Variants in SLCO1B1 observed in about 807,000 individuals in gnomAD.
SLCO1B1 encodes the protein solute carrier organic anion transporter family member 1B1.
In SLCO1B1, 81 loss-of-function variants were observed where a neutral mutation model predicts 70.1. That is an observed-to-expected ratio of 1.16 (90% CI 0.97 to 1.39). The LOEUF is 1.39. Among genes scored for constraint, SLCO1B1 ranks in the 40% most tolerant of loss-of-function variants. The pLI is 0.00. For synonymous variants in SLCO1B1, 283 were observed against 271.5 expected (o/e 1.04, Z -0.42); for missense variants, 895 against 799.6 (o/e 1.12, Z -1.44).
chr12:21,136,516 G>T (rs1347382608), intron 1 of SLCO1B1, among the ~76,000 whole-genome samples: 7 of 152,112 alleles, frequency 4.6e-5, no homozygotes, highest in African/African-American at 1.4e-4. Flanking sequence ...ATTTCTTGGA[G>T]GCTTTGTTCG....
intron 2 of SLCO1B1, among the ~76,000 whole-genome samples, chr12:21,167,345 G>C (rs1434489488): frequency 1.3e-5 from 2 of 152,152 alleles, no homozygotes; most frequent in Non-Finnish European, 2.9e-5. Flanking sequence ...AGAGAGGAAT[G>C]GGGGAGGGGA....
chr12:21,201,206 C>A (rs977707437), intron 9 of SLCO1B1, among the ~76,000 whole-genome samples: 1 of 151,998 alleles, frequency 6.6e-6, no homozygotes, highest in Non-Finnish European at 1.5e-5. Flanking sequence ...TTGTATTATT[C>A]TTCCCACAAC....
chr12:21,188,079 G>A (rs1474957601), intron 7 of SLCO1B1, among the ~76,000 whole-genome samples: 1 of 152,152 alleles, frequency 6.6e-6, no homozygotes, highest in African/African-American at 2.4e-5. Flanking sequence ...TGAAACTAAA[G>A]CATGTGTTGG....
intron 2 of SLCO1B1, among the ~76,000 whole-genome samples, chr12:21,170,082 C>A (rs1940738793): frequency 6.6e-6 from 1 of 152,108 alleles, no homozygotes; most frequent in South Asian, 2.1e-4. Context: ...TGCTCCACCT[C>A]GTGTCTCTGT....
intron 2 of SLCO1B1, among the ~76,000 whole-genome samples, chr12:21,157,733 C>G (rs1940560653): frequency 6.6e-6 from 1 of 151,584 alleles, no homozygotes; most frequent in Non-Finnish European, 1.5e-5. Context: ...TCCCAAGTAG[C>G]TGGGACTACA....
At chr12:21,226,528 G>C (rs747095083) in intron 14 of SLCO1B1, among the ~76,000 whole-genome samples, 3 of 152,080 alleles carry the variant, frequency 2.0e-5, no homozygotes, top group Non-Finnish European at 4.4e-5. Flanking sequence ...AAACATCAGT[G>C]GTTGCTAGGA....
chr12:21,211,636 G>A (rs1465456002), intron 11 of SLCO1B1, among the ~76,000 whole-genome samples: 1 of 152,094 alleles, frequency 6.6e-6, no homozygotes, highest in Non-Finnish European at 1.5e-5. Flanking sequence ...AGAAGGAATG[G>A]TACCAGTTCC....
intron 2 of SLCO1B1, among the ~76,000 whole-genome samples, chr12:21,166,575 C>T (rs1940689128): frequency 6.6e-6 from 1 of 152,070 alleles, no homozygotes; most frequent in Admixed American, 6.6e-5. Context: ...GTAAATTAAA[C>T]AATAAGCTAT....
At chr12:21,197,919 G>A (rs973296137) in intron 8 of SLCO1B1, among the ~76,000 whole-genome samples, 3 of 152,096 alleles carry the variant, frequency 2.0e-5, no homozygotes, top group South Asian at 2.1e-4. Context: ...GAGAACCATT[G>A]AGAGTCAATA....
intron 10 of SLCO1B1, among the ~76,000 whole-genome samples, chr12:21,205,421 A>T (rs1941204464): frequency 6.6e-6 from 1 of 151,916 alleles, no homozygotes; most frequent in Admixed American, 6.6e-5. Context: ...AGAGATTTTT[A>T]AATTCAACCT....
At chr12:21,188,530 C>T (rs1241047175) in intron 7 of SLCO1B1, among the ~76,000 whole-genome samples, 1 of 152,140 alleles carries the variant, frequency 6.6e-6, no homozygotes, top group East Asian at 1.9e-4. Flanking sequence ...CCGCCAAAGT[C>T]ATGTAGAATT....
chr12:21,162,640 G>C (rs923948209), intron 2 of SLCO1B1, among the ~76,000 whole-genome samples: 4 of 152,156 alleles, frequency 2.6e-5, no homozygotes, highest in African/African-American at 9.7e-5. Context: ...AGATAATAAG[G>C]AGATGTATAA....
intron 11 of SLCO1B1, among the ~76,000 whole-genome samples, chr12:21,207,760 A>T (rs1025566444): frequency 8.6e-5 from 13 of 151,920 alleles, no homozygotes; most frequent in African/African-American, 3.1e-4. Context: ...ATTCCTACCA[A>T]CATAGGATAA....
At chr12:21,144,330 G>A (rs2121045666) in intron 2 of SLCO1B1, among the ~76,000 whole-genome samples, 1 of 152,110 alleles carries the variant, frequency 6.6e-6, no homozygotes, top group Admixed American at 6.5e-5. Context: ...CTCAGAGTTT[G>A]AAGATTACCC....
At chr12:21,137,609 G>T (rs1940244865) in intron 1 of SLCO1B1, among the ~76,000 whole-genome samples, 1 of 152,178 alleles carries the variant, frequency 6.6e-6, no homozygotes. Flanking sequence ...CAATGAGCGA[G>T]ACTCTGTGGG....
chr12:21,164,290 T>C (rs1318430290), intron 2 of SLCO1B1, among the ~76,000 whole-genome samples: 1 of 152,148 alleles, frequency 6.6e-6, no homozygotes, highest in Non-Finnish European at 1.5e-5. Flanking sequence ...TTGTCTTTAA[T>C]GCTGTCTTCT....
chr12:21,170,540 A>G (rs74068935), intron 2 of SLCO1B1, among the ~76,000 whole-genome samples: 1,817 of 152,290 alleles, frequency 0.012, 43 homozygotes, highest in African/African-American at 0.042. Context: ...TCTATGGCAC[A>G]AAGACTGCAT....
chr12:21,218,891 A>G (rs1490924831), intron 12 of SLCO1B1, among the ~76,000 whole-genome samples: 2 of 152,240 alleles, frequency 1.3e-5, no homozygotes, highest in African/African-American at 4.8e-5. Context: ...TGACTACAGA[A>G]TAAAAATATA....
chr12:21,158,302 A>T (rs1940567962), intron 2 of SLCO1B1, among the ~76,000 whole-genome samples: 1 of 152,254 alleles, frequency 6.6e-6, no homozygotes, highest in African/African-American at 2.4e-5. Context: ...CCATGTTATT[A>T]GATGTTTAAA....
Sources: allele counts gnomAD v4.1 joint callset (sites outside exome capture counted in the v4.1 genomes callset), GRCh38; gene constraint gnomAD v4.1.1; transcripts MANE v1.5; gene names NCBI Gene and HGNC (gene_info 2026-07-23, HGNC 2026-07-21).